OR6N1: variants seen among roughly 807,000 people sequenced by gnomAD.
The protein encoded by OR6N1 is olfactory receptor 6N1.
For missense variants in OR6N1, 394 were observed against 371.7 expected, an observed-to-expected ratio of 1.06 and a Z score of -0.49; for synonymous variants, 170 against 150.7, an observed-to-expected ratio of 1.13 and a Z score of -0.94.
At chr1:158,788,612 T>G in the OR6N1 span, among the ~76,000 whole-genome samples, 3 of 152,180 alleles carry the variant, frequency 2.0e-5, no homozygotes, top group Admixed American at 6.5e-5. Context: ...TGTGTCAAAT[T>G]ATGGTAATTA....
chr1:158,829,872 C>T, the OR6N1 span, among the ~76,000 whole-genome samples: 54 of 152,328 alleles, frequency 3.5e-4, no homozygotes, highest in South Asian at 9.9e-3. Flanking sequence ...GAGCAAGTCA[C>T]ATCTTACGTA....
chr1:158,804,223 T>C, the OR6N1 span, among the ~76,000 whole-genome samples: 1 of 152,324 alleles, frequency 6.6e-6, no homozygotes, highest in South Asian at 2.1e-4. Flanking sequence ...TCCTTTCCTT[T>C]TTAATTTGAT....
the OR6N1 span, among the ~76,000 whole-genome samples, chr1:158,840,062 G>C: frequency 1.3e-5 from 2 of 152,012 alleles, no homozygotes; most frequent in African/African-American, 2.4e-5. Flanking sequence ...CATTTTTTTA[G>C]GGGGGGATTT....
At chr1:158,815,454 G>A in the OR6N1 span, among the ~76,000 whole-genome samples, 5 of 152,074 alleles carry the variant, frequency 3.3e-5, no homozygotes, top group Non-Finnish European at 7.4e-5. Flanking sequence ...GACAGAAAGG[G>A]TAAGAAGAAA....
rs857826 is a variant in OR6N1, at chr1:158,765,950, A to C, written c.733T>G (p.Phe245Val). ...CCATAGAAGATGAGAACCACAGTGA[A>C]GTGGGAGGCACACGTGGAGATGGCC... ...RKAISTCASH[F>V]TVVLIFYGSI... is the part of the protein sequence containing the mutation. The change falls in exon 2 of 2, where the codon TTC (phenylalanine) becomes GTC (valine). Residue 245 changes from phenylalanine to valine, a missense_variant. Phe to Val is a conservative substitution (Grantham distance 50). Transcript: ENST00000641846. 50 of 1,613,902 alleles carry C rather than the reference A, an allele frequency of 3.1e-5. No homozygotes were observed. Among genetic ancestry groups the C allele is most frequent in the Non-Finnish European group, 4.2e-5 (50 of 1,179,966 alleles).
At chr1:158,823,216 G>A in the OR6N1 span, among the ~76,000 whole-genome samples, 1 of 152,058 alleles carries the variant, frequency 6.6e-6, no homozygotes. Flanking sequence ...GATGATTCTG[G>A]CCTCACAGAA....
the OR6N1 span, among the ~76,000 whole-genome samples, chr1:158,813,389 G>A: frequency 6.6e-6 from 1 of 152,080 alleles, no homozygotes; most frequent in Non-Finnish European, 1.5e-5. Flanking sequence ...TGGGAGATTT[G>A]TTAAATCTCC....
the OR6N1 span, among the ~76,000 whole-genome samples, chr1:158,816,560 C>T: frequency 6.6e-6 from 1 of 152,040 alleles, no homozygotes; most frequent in East Asian, 1.9e-4. Flanking sequence ...TGTGGTGGCA[C>T]ATGCCTGCAG....
At chr1:158,777,616 G>T in the OR6N1 span, 3 of 1,613,090 alleles carry the variant, frequency 1.9e-6, no homozygotes, top group South Asian at 1.1e-5. Flanking sequence ...AGCCAGGCTT[G>T]AATGGTTGTA....
the OR6N1 span, among the ~76,000 whole-genome samples, chr1:158,790,385 G>C: frequency 6.7e-6 from 1 of 148,328 alleles, no homozygotes; most frequent in African/African-American, 2.5e-5. Flanking sequence ...ATATCAATTG[G>C]TATTTTGATA....
the OR6N1 span, among the ~76,000 whole-genome samples, chr1:158,826,937 A>G: frequency 6.6e-6 from 1 of 152,224 alleles, no homozygotes; most frequent in African/African-American, 2.4e-5. Context: ...ATACCAGGTT[A>G]TGAAGGTCCT....
chr1:158,812,292 T>C, the OR6N1 span, among the ~76,000 whole-genome samples: 4 of 152,296 alleles, frequency 2.6e-5, no homozygotes, highest in East Asian at 3.9e-4. Context: ...TCCAGAAATA[T>C]GTGCTAAAAA....
At chr1:158,830,678 G>A in the OR6N1 span, among the ~76,000 whole-genome samples, 1 of 152,116 alleles carries the variant, frequency 6.6e-6, no homozygotes, top group African/African-American at 2.4e-5. Context: ...AATGTTCAAG[G>A]TTTCAGTCAT....
chr1:158,831,965 A>G, the OR6N1 span, among the ~76,000 whole-genome samples: 1 of 152,272 alleles, frequency 6.6e-6, no homozygotes, highest in South Asian at 2.1e-4. Context: ...AATCTCTATT[A>G]TATGATTTTA....
the OR6N1 span, among the ~76,000 whole-genome samples, chr1:158,803,253 T>A: frequency 3.3e-5 from 5 of 152,338 alleles, no homozygotes; most frequent in East Asian, 9.6e-4. Flanking sequence ...AGAGTACTAA[T>A]GTGACTTTGG....
the OR6N1 span, among the ~76,000 whole-genome samples, chr1:158,784,796 C>A: frequency 6.7e-4 from 102 of 152,228 alleles, no homozygotes; most frequent in African/African-American, 2.4e-3. Context: ...CATATATACA[C>A]TGCATTTTCT....
At chr1:158,837,516 G>T in the OR6N1 span, among the ~76,000 whole-genome samples, 2 of 151,542 alleles carry the variant, frequency 1.3e-5, no homozygotes, top group African/African-American at 2.4e-5. Flanking sequence ...TCCTAGTATA[G>T]CAAACTCTGC....
At chr1:158,776,809 A>G (rs1312356946), upstream of OR6N1, 4 of 1,613,994 alleles carry the variant, frequency 2.5e-6, no homozygotes, top group African/African-American at 1.3e-5. Flanking sequence ...GGAGTAAACT[A>G]TAGCAAGTGT....
At chr1:158,821,104 G>A in the OR6N1 span, among the ~76,000 whole-genome samples, 1 of 152,188 alleles carries the variant, frequency 6.6e-6, no homozygotes, top group Non-Finnish European at 1.5e-5. Context: ...TTATGGCAAA[G>A]AAATCTTGTT....
Sources: gnomAD v4.1 joint callset for allele counts (sites outside exome capture counted in the v4.1 genomes callset) on GRCh38, gnomAD v4.1.1 for gene constraint, MANE v1.5 for transcripts, NCBI Gene and HGNC (gene_info 2026-07-23, HGNC 2026-07-21) for gene names.